The following ZNF490 variants were observed in gnomAD, a reference collection of about 807,000 sequenced individuals.
ZNF490 encodes the protein zinc finger protein 490.
Under a neutral mutation model 17.7 loss-of-function variants are expected in ZNF490, and 11 were observed. The ratio of observed to expected loss-of-function variants is 0.62; its 90% CI spans 0.39 to 1.03. The LOEUF is 1.03. Among genes scored for constraint, ZNF490 ranks in the 50% least tolerant of loss-of-function variants. The pLI is 0.00. For missense variants in ZNF490, 542 were observed against 643.4 expected, an observed-to-expected ratio of 0.84 and a Z score of 1.71; for synonymous variants, 222 against 216.1, an observed-to-expected ratio of 1.03 and a Z score of -0.24.
rs919791034 is a variant in ZNF490 at position 12,578,861 on chromosome 19, G to A, written c.*1624C>T. 6 of 985,258 alleles carry A rather than the reference G, an allele frequency of 6.1e-6. No individual in the cohort carries two copies. The highest frequency in any genetic ancestry group is 5.2e-5 in the African/African-American group (3 of 57,214). The allele number at this position is 985,258 out of a possible 1,614,324, so 61.0% of individuals were successfully genotyped here. On this transcript the variant is annotated 3_prime_UTR_variant, in exon 5 of 5. Coordinates refer to ENST00000311437, the MANE Select transcript of ZNF490 (RefSeq NM_020714.3). ...TCCCCATTCCTTTAATTCTTCCTAC[G>A]AAGAATCTCGACAATGGTTGCAGAT...
rs1197179359 is a variant in ZNF490, at chr19:12,578,125, G to A, written c.*2360C>T. 3.2e-5 allele frequency: 32 copies of A among 985,352 alleles called. No homozygotes were observed. Among genetic ancestry groups the A allele is most frequent in the East Asian group, 1.1e-4 (1 of 8,828 alleles). 61.0% of individuals were successfully genotyped at this position (985,352 alleles called of 1,614,324 possible). On this transcript the variant is annotated 3_prime_UTR_variant, in exon 5 of 5. Coordinates refer to ENST00000311437, the MANE Select transcript of ZNF490 (RefSeq NM_020714.3). ...AGAAGAGCTAAGTGCTAGTCTTAGC[G>A]GGAGGCTAGGAAACCAGTCCTGGAG...
At chr19:12,593,246 GT>G (rs201630407) in intron 2 of ZNF490, among the ~76,000 whole-genome samples, 2,698 of 143,414 alleles carry the variant, frequency 0.019, 89 homozygotes, top group African/African-American at 0.064. Context: ...AGTTTTGTGG[GT>G]TTTTTTTTTT....
intron 2 of ZNF490, among the ~76,000 whole-genome samples, chr19:12,590,285 C>T (rs1487562082): frequency 6.6e-6 from 1 of 151,212 alleles, no homozygotes; most frequent in Middle Eastern, 3.2e-3. Context: ...GCCATCTCAG[C>T]TCACTGTAAC....
rs773454595 is a variant in ZNF490 at position 12,581,729 on chromosome 19, A to T, written c.351-5T>A. On this transcript the variant is annotated splice_polypyrimidine_tract_variant and splice_region_variant and intron_variant, in intron 4 of 4. Coordinates refer to ENST00000311437, the MANE Select transcript of ZNF490 (RefSeq NM_020714.3). ...AGTGCTTCAACCATAGGACTTCTGT[A>T]AAGAATGAGTACCGTATTATTAATA... The T allele has an allele frequency of 2.5e-6, 4 of 1,597,262 alleles. No individual in the cohort carries two copies. Among genetic ancestry groups the T allele is most frequent in the Non-Finnish European group, 8.5e-7 (1 of 1,171,302 alleles).
At chr19:12,601,618 C>T (rs950771948) in intron 2 of ZNF490, among the ~76,000 whole-genome samples, 1 of 152,064 alleles carries the variant, frequency 6.6e-6, no homozygotes, top group African/African-American at 2.4e-5. Flanking sequence ...CTCCAGGACT[C>T]AGATGATCAT....
chr19:12,604,225 C>T (rs1445626072), intron 2 of ZNF490, among the ~76,000 whole-genome samples: 2 of 152,146 alleles, frequency 1.3e-5, no homozygotes, highest in African/African-American at 4.8e-5. Context: ...TTTAAAATAT[C>T]CTTTGTAGGG....
At chr19:12,601,797 C>A (rs1366443436) in intron 2 of ZNF490, among the ~76,000 whole-genome samples, 1 of 151,692 alleles carries the variant, frequency 6.6e-6, no homozygotes, top group Non-Finnish European at 1.5e-5. Flanking sequence ...TCGAGACCAT[C>A]CTGGCTAACA....
rs1452306623 is a variant in ZNF490, at chr19:12,579,258, AAAG to A, written c.*1224_*1226del. The A allele has an allele frequency of 2.0e-5, 3 of 151,168 alleles. No individual in the cohort carries two copies. The highest frequency in any genetic ancestry group is 1.3e-4 in the Admixed American group (2 of 15,114). 9.4% of individuals were successfully genotyped at this position (151,168 alleles called of 1,614,324 possible). On this transcript the variant is annotated 3_prime_UTR_variant, in exon 5 of 5. Transcript: ENST00000311437. ...AGGACTCCGTCTCAAAAAAAAAAAA[AAAG>A]AACTGGGGGCCGGGTGTGGTGGCTC... is the stretch of plus-strand genomic sequence containing the variant.
In ZNF490 at chr19:12,576,877, A is replaced by G. The variant is rs974087004; in HGVS notation, c.*3608T>C. 2.0e-5 allele frequency among the ~76,000 whole-genome samples: 3 copies of G among 151,578 alleles called. No individual in the cohort carries two copies. Among genetic ancestry groups the G allele is most frequent in the Non-Finnish European group, 4.4e-5 (3 of 67,934 alleles). On this transcript the variant is annotated 3_prime_UTR_variant, in exon 5 of 5. Coordinates refer to ENST00000311437, the MANE Select transcript of ZNF490 (RefSeq NM_020714.3). ...TATTTAAAAATATATATAAATATAT[A>G]TACACACAGCCCTCTAGACAAATAT...
At position 12,577,758 on chromosome 19, in the gene ZNF490, C is replaced by T. The variant is rs532614575; in HGVS notation, c.*2727G>A. ...GGCCAGAGGCCTAAAGAGTTCCGAC[C>T]CGAGCGACACAAAGATCACTTCTGG... On this transcript the variant is annotated 3_prime_UTR_variant, in exon 5 of 5. Coordinates refer to ENST00000311437, the MANE Select transcript of ZNF490 (RefSeq NM_020714.3). The T allele has an allele frequency of 1.0e-6, 1 of 985,348 alleles. No homozygotes were observed. The highest frequency in any genetic ancestry group is 1.2e-6 in the Non-Finnish European group (1 of 830,000). The allele number at this position is 985,348 out of a possible 1,614,324, so 61.0% of individuals were successfully genotyped here.
At chr19:12,591,721 T>G (rs891222767) in intron 2 of ZNF490, among the ~76,000 whole-genome samples, 14 of 151,998 alleles carry the variant, frequency 9.2e-5, no homozygotes, top group African/African-American at 3.4e-4. Flanking sequence ...TGGCTAAATT[T>G]TAAAACACTA....
intron 2 of ZNF490, among the ~76,000 whole-genome samples, chr19:12,601,126 C>T (rs557014166): frequency 7.9e-5 from 12 of 151,798 alleles, no homozygotes; most frequent in South Asian, 2.1e-4. Context: ...CGTTGGCTTA[C>T]GCCTGTAATC....
In ZNF490 at chr19:12,580,926, A is replaced by G; in HGVS notation, c.1149T>C (p.Thr383=). 2.5e-6 allele frequency: 4 copies of G among 1,614,192 alleles called. No homozygotes were observed. Among genetic ancestry groups the G allele is most frequent in the Non-Finnish European group, 3.4e-6 (4 of 1,180,032 alleles). The change falls in exon 5 of 5, where the codon ACT becomes ACC. Residue 383 remains threonine, a synonymous_variant. Transcript: ENST00000311437. ...ATTCATAGGGTTTTTCTCCAAAATG[A>G]GTTCTTTCGTGCACTTCACAGGAAC... ...SSSSCEVHER[T]HFGEKPYECK... is the part of the protein sequence containing the mutation.
At chr19:12,609,922 T>G in intron 1 of ZNF490, 1 of 455,556 alleles carries the variant, frequency 2.2e-6, no homozygotes, top group Non-Finnish European at 4.4e-6. Flanking sequence ...AAAGCCAGAC[T>G]TCGCCACTAT....
chr19:12,610,658 C>T lies in ZNF490; in HGVS notation c.23G>A (p.Ser8Asn). Residue 8 changes from serine to asparagine, a missense_variant, in exon 1 of 5, where the codon AGT becomes AAT. Transcript: ENST00000311437. ...CTCGAGGGGTCGCTCCATCTGGAAA[C>T]TGAGACTGGAATTCCTGCGCATCCC... Reference protein sequence around the residue: MRRNSSLSFQMERPLEEQ... With the variant: MRRNSSLNFQMERPLEEQ... The T allele has an allele frequency of 2.5e-6, 4 of 1,613,932 alleles. No individual in the cohort carries two copies. The South Asian group carries it at 4.4e-5, about 18-fold the overall frequency.
Position 12,579,836 on chromosome 19 carries a change from T to C in ZNF490, c.*649A>G, listed in dbSNP as rs181805676. 3 of 146,316 alleles carry C rather than the reference T, an allele frequency of 2.1e-5. No individual in the cohort carries two copies. The highest frequency in any genetic ancestry group is 5.1e-5 in the African/African-American group (2 of 39,008). The allele number at this position is 146,316 out of a possible 1,614,324, so 9.1% of individuals were successfully genotyped here. Reference sequence around the variant, plus strand: ...CGGCGGGGAAAAAAAGGTTGGGTGCTGTGGCTCACACCTGTAATCCCAGCA... The same window carrying C: ...CGGCGGGGAAAAAAAGGTTGGGTGCCGTGGCTCACACCTGTAATCCCAGCA... On this transcript the variant is annotated 3_prime_UTR_variant, in exon 5 of 5. Coordinates refer to ENST00000311437, the MANE Select transcript of ZNF490 (RefSeq NM_020714.3).
At position 12,580,643 on chromosome 19, in the gene ZNF490, G is replaced by T; in HGVS notation, c.1432C>A (p.Gln478Lys). 6.2e-7 allele frequency: 1 copy of T among 1,614,166 alleles called. No homozygotes were observed. The highest frequency in any genetic ancestry group is 2.2e-5 in the East Asian group (1 of 44,882). ...HTGVKPCECK[Q>K]CGKAFTCLNS... ...AAACAAGTGAAAGCTTTGCCACACTGCTTACACTCACATGGTTTCACTCCA... is the reference window on the plus strand; with the variant it reads ...AAACAAGTGAAAGCTTTGCCACACTTCTTACACTCACATGGTTTCACTCCA... The change falls in exon 5 of 5, where the codon CAG becomes AAG. Residue 478 changes from glutamine (Q) to lysine (K), a missense_variant. Transcript: ENST00000311437.
At chr19:12,594,666 C>T (rs1019017866) in intron 2 of ZNF490, among the ~76,000 whole-genome samples, 8 of 151,936 alleles carry the variant, frequency 5.3e-5, no homozygotes, top group African/African-American at 1.2e-4. Flanking sequence ...ACCTCCTGAA[C>T]ATCAAAAAAG....
intron 2 of ZNF490, among the ~76,000 whole-genome samples, chr19:12,600,417 T>C (rs934404314): frequency 6.6e-6 from 1 of 151,666 alleles, no homozygotes; most frequent in African/African-American, 2.4e-5. Flanking sequence ...AGTATACTAA[T>C]GTAAATGTGA....
Sources: allele counts gnomAD v4.1 joint callset (sites outside exome capture counted in the v4.1 genomes callset), GRCh38; gene constraint gnomAD v4.1.1; transcripts MANE v1.5; gene names NCBI Gene and HGNC (gene_info 2026-07-23, HGNC 2026-07-21).